OR51B5: variants seen among roughly 807,000 people sequenced by gnomAD.
OR51B5 encodes olfactory receptor family 51 subfamily B member 5, also known as olfactory receptor 51B5.
For synonymous variants in OR51B5, 186 were observed against 144.8 expected (o/e 1.28, Z -2.04); for missense variants, 456 against 374.6 (o/e 1.22, Z -1.79).
chr11:5,351,505 G>A (rs1849085685), intron 1 of OR51B5: 6 of 1,603,846 alleles, frequency 3.7e-6, no homozygotes, highest in East Asian at 2.2e-5. Context: ...TGCAAAGCTG[G>A]CAATGGGGCT....
intron 1 of OR51B5, among the ~76,000 whole-genome samples, chr11:5,426,659 A>C: frequency 6.6e-6 from 1 of 152,114 alleles, no homozygotes; most frequent in East Asian, 1.9e-4. Flanking sequence ...CCTACAGTAT[A>C]GTTTTTTGGC....
At chr11:5,501,130 C>T (rs1165598034) in intron 1 of OR51B5, among the ~76,000 whole-genome samples, 2 of 147,792 alleles carry the variant, frequency 1.4e-5, no homozygotes, top group African/African-American at 2.4e-5. Context: ...GGCTGAAAAG[C>T]CTGTTAGCTA....
chr11:5,417,154 C>A (rs1850256324), intron 1 of OR51B5, among the ~76,000 whole-genome samples: 1 of 152,010 alleles, frequency 6.6e-6, no homozygotes, highest in Non-Finnish European at 1.5e-5. Context: ...CTTTGACAAA[C>A]CTGACAAAAA....
At chr11:5,398,145 T>C (rs1391906434) in intron 1 of OR51B5, among the ~76,000 whole-genome samples, 3 of 152,132 alleles carry the variant, frequency 2.0e-5, no homozygotes, top group African/African-American at 7.2e-5. Flanking sequence ...GGCACATGTA[T>C]ACATATGTAA....
intron 1 of OR51B5, among the ~76,000 whole-genome samples, chr11:5,349,859 A>C (rs1357015498): frequency 6.6e-6 from 1 of 152,098 alleles, no homozygotes; most frequent in African/African-American, 2.4e-5. Flanking sequence ...AAGTTCCCAC[A>C]TTGGCTCATC....
chr11:5,469,133 T>A, intron 1 of OR51B5: 1 of 225,502 alleles, frequency 4.4e-6, no homozygotes, highest in South Asian at 6.2e-5. Flanking sequence ...CAGGCAGGCA[T>A]CAAAAGTTGT....
chr11:5,429,172 C>T (rs1190612524), intron 1 of OR51B5, among the ~76,000 whole-genome samples: 1 of 152,118 alleles, frequency 6.6e-6, no homozygotes, highest in Non-Finnish European at 1.5e-5. Flanking sequence ...TCAATAGCAG[C>T]ACCTATTCCC....
chr11:5,478,107 C>G (rs57150323), intron 1 of OR51B5, among the ~76,000 whole-genome samples: 4 of 151,738 alleles, frequency 2.6e-5, no homozygotes, highest in Non-Finnish European at 4.4e-5. Context: ...ACTTCAATGT[C>G]CCTGTCTGAC....
Position 5,433,604 on chromosome 11 carries a change from G to T in OR51B5, n.84+71965C>A, listed in dbSNP as rs1201718755. Among the ~76,000 whole-genome samples, 12 of 152,148 alleles carry T rather than the reference G, an allele frequency of 7.9e-5. 2 individuals carry two copies. Among genetic ancestry groups the T allele is most frequent in the Admixed American group, 3.9e-4 (6 of 15,276 alleles). ...GAATGTACTGTCAAGGGAATACAAA[G>T]AGCTATGACCTCCAGGAGTCATACC... On this transcript the variant is annotated intron_variant and non_coding_transcript_variant, in intron 1 of 4. Transcript: ENST00000415970.
chr11:5,480,645 A>C (rs1317255537), intron 1 of OR51B5, among the ~76,000 whole-genome samples: 1 of 152,024 alleles, frequency 6.6e-6, no homozygotes, highest in African/African-American at 2.4e-5. Flanking sequence ...AGAAGAATCA[A>C]ATAGATGCAA....
At chr11:5,343,236 A>G (rs1282319625) in exon 1 of OR51B5, 53 of 1,613,198 alleles carry the variant, frequency 3.3e-5, no homozygotes, top group Non-Finnish European at 4.0e-5. Flanking sequence ...TAGGCCTGGG[A>G]AAAGCAGGCC....
intron 1 of OR51B5, among the ~76,000 whole-genome samples, chr11:5,379,478 T>TAAA (rs552357666): frequency 2.8e-5 from 4 of 143,630 alleles, no homozygotes; most frequent in Non-Finnish European, 5.9e-5. Context: ...ATAAATAAAA[T>TAAA]AAATAAAAAA....
At chr11:5,496,425 T>C (rs554286158) in intron 1 of OR51B5, among the ~76,000 whole-genome samples, 1 of 152,368 alleles carries the variant, frequency 6.6e-6, no homozygotes, top group African/African-American at 2.4e-5. Flanking sequence ...TCACCGCTCA[T>C]GGTTTAATTG....
chr11:5,404,232 A>G (rs1255721171), intron 1 of OR51B5, among the ~76,000 whole-genome samples: 1 of 152,052 alleles, frequency 6.6e-6, no homozygotes, highest in South Asian at 2.1e-4. Flanking sequence ...TAAATGCACC[A>G]ATCAGTTCTC....
chr11:5,450,134 A>T (rs1189925518), intron 1 of OR51B5, among the ~76,000 whole-genome samples: 1 of 152,190 alleles, frequency 6.6e-6, no homozygotes, highest in Non-Finnish European at 1.5e-5. Flanking sequence ...CATACCTGTA[A>T]TCCCAGCACT....
At chr11:5,472,764 C>G (rs538699366) in intron 1 of OR51B5, among the ~76,000 whole-genome samples, 1 of 152,316 alleles carries the variant, frequency 6.6e-6, no homozygotes, top group South Asian at 2.1e-4. Context: ...AATAACAGAG[C>G]TGAACTGAAT....
chr11:5,477,815 A>C (rs1355428443), intron 1 of OR51B5, among the ~76,000 whole-genome samples: 2 of 152,080 alleles, frequency 1.3e-5, no homozygotes, highest in African/African-American at 4.8e-5. Context: ...GGCTTAAAAA[A>C]CGGCGCACCA....
chr11:5,480,100 C>T (rs965802306), intron 1 of OR51B5, among the ~76,000 whole-genome samples: 7 of 152,144 alleles, frequency 4.6e-5, no homozygotes, highest in African/African-American at 1.4e-4. Context: ...TGACCACGTA[C>T]TTGGAAGTAA....
intron 1 of OR51B5, among the ~76,000 whole-genome samples, chr11:5,449,676 C>T (rs200057384): frequency 6.6e-6 from 1 of 152,158 alleles, no homozygotes; most frequent in Non-Finnish European, 1.5e-5. Flanking sequence ...AACATTGCTG[C>T]AAATTCAGAG....
Sources: allele counts gnomAD v4.1 joint callset (sites outside exome capture counted in the v4.1 genomes callset), GRCh38; gene constraint gnomAD v4.1.1; transcripts MANE v1.5; gene names NCBI Gene and HGNC (gene_info 2026-07-23, HGNC 2026-07-21).